UMAD1: variants seen among roughly 807,000 people sequenced by gnomAD.
UMAD1 encodes the protein UBAP1-MVB12-associated (UMA) domain containing 1.
A neutral mutation model predicts 6.1 loss-of-function variants in UMAD1; 8 were observed. The ratio of observed to expected loss-of-function variants is 1.30; its 90% confidence interval spans 0.76 to 2.35. The LOEUF is 2.35. Ranked by LOEUF, UMAD1 falls within the 30% of genes most tolerant of loss-of-function variation. The pLI, the probability that UMAD1 is intolerant of heterozygous loss-of-function variation, is 0.00. For missense variants in UMAD1, 130 were observed against 78.4 expected (o/e 1.66, Z -2.49); for synonymous variants, 56 against 31.4 (o/e 1.78, Z -2.61).
chr7:7,827,145 A>ATGTGTGTGTG (rs1162912790), intron 3 of UMAD1, among the ~76,000 whole-genome samples: 4 of 135,350 alleles, frequency 3.0e-5, no homozygotes, highest in African/African-American at 1.1e-4. Context: ...ATATATATAT[A>ATGTGTGTGTG]TATGTGTGTG....
intron 3 of UMAD1, among the ~76,000 whole-genome samples, chr7:7,818,343 A>C (rs1447383545): frequency 6.6e-6 from 1 of 152,194 alleles, no homozygotes; most frequent in Non-Finnish European, 1.5e-5. Flanking sequence ...ATAGTATTCC[A>C]TGGTTTATGT....
intron 3 of UMAD1, among the ~76,000 whole-genome samples, chr7:7,804,127 A>G (rs1782858028): frequency 6.6e-6 from 1 of 152,200 alleles, no homozygotes; most frequent in Admixed American, 6.5e-5. Flanking sequence ...AGATGTTTCA[A>G]AAGTGCCTTC....
At chr7:7,798,841 C>T (rs549810420) in intron 2 of UMAD1, among the ~76,000 whole-genome samples, 1 of 152,176 alleles carries the variant, frequency 6.6e-6, no homozygotes, top group Non-Finnish European at 1.5e-5. Flanking sequence ...GTTTCACTCT[C>T]CTGTAAATTG....
At chr7:7,771,744 T>A (rs1227661420) in intron 2 of UMAD1, among the ~76,000 whole-genome samples, 1 of 152,148 alleles carries the variant, frequency 6.6e-6, no homozygotes, top group Non-Finnish European at 1.5e-5. Flanking sequence ...AGGGCATGGT[T>A]TGGCCTCACA....
At chr7:7,646,382 A>G (rs1401938061) in intron 1 of UMAD1, among the ~76,000 whole-genome samples, 1 of 151,958 alleles carries the variant, frequency 6.6e-6, no homozygotes, top group Admixed American at 6.6e-5. Context: ...ATGAGAGATA[A>G]CTGAATCATG....
At chr7:7,702,469 T>A (rs1353177923) in intron 2 of UMAD1, among the ~76,000 whole-genome samples, 1 of 152,198 alleles carries the variant, frequency 6.6e-6, no homozygotes, top group East Asian at 1.9e-4. Context: ...AACCTGGCTT[T>A]CAAGTACACT....
At chr7:7,748,254 A>G (rs1342014584) in intron 2 of UMAD1, among the ~76,000 whole-genome samples, 1 of 151,888 alleles carries the variant, frequency 6.6e-6, no homozygotes, top group Non-Finnish European at 1.5e-5. Flanking sequence ...TATATGTTTT[A>G]TTTTATAAAG....
At chr7:7,805,986 C>G (rs181321056) in intron 3 of UMAD1, among the ~76,000 whole-genome samples, 28 of 152,322 alleles carry the variant, frequency 1.8e-4, no homozygotes, top group African/African-American at 6.5e-4. Context: ...AGAAGTTACC[C>G]AATAAGTACT....
At chr7:7,797,573 C>G (rs1782711220) in intron 2 of UMAD1, among the ~76,000 whole-genome samples, 1 of 152,184 alleles carries the variant, frequency 6.6e-6, no homozygotes, top group Non-Finnish European at 1.5e-5. Flanking sequence ...ATACATAGTG[C>G]TCACTCTTCA....
intron 3 of UMAD1, among the ~76,000 whole-genome samples, chr7:7,802,303 C>G (rs1028268875): frequency 3.3e-5 from 5 of 151,930 alleles, no homozygotes; most frequent in African/African-American, 9.7e-5. Context: ...GCTTGAACCC[C>G]GGAGGTGGAG....
Position 7,800,103 on chromosome 7 carries a change from G to A in UMAD1, c.83-1567G>A, listed in dbSNP as rs191176312. On this transcript the variant is annotated intron_variant, in intron 2 of 3. Coordinates refer to ENST00000682710, the MANE Select transcript of UMAD1 (RefSeq NM_001302348.2). Reference sequence around the variant, plus strand: ...TCACCATGTTGGTCTGGCTGGTCTCGATCTCCTGACCTCAAGTGATCCACC... The same window carrying A: ...TCACCATGTTGGTCTGGCTGGTCTCAATCTCCTGACCTCAAGTGATCCACC... 2.9e-3 allele frequency among the ~76,000 whole-genome samples: 435 copies of A among 152,274 alleles called. 4 individuals carry two copies. The highest frequency in any genetic ancestry group is 1.0e-2 in the African/African-American group (415 of 41,552).
At chr7:7,667,688 G>A (rs970996642) in intron 1 of UMAD1, among the ~76,000 whole-genome samples, 3 of 152,178 alleles carry the variant, frequency 2.0e-5, no homozygotes, top group Admixed American at 2.0e-4. Context: ...CAAGGCTTGG[G>A]AAAGTAGGGA....
intron 2 of UMAD1, among the ~76,000 whole-genome samples, chr7:7,792,352 C>T (rs1281415034): frequency 6.6e-6 from 1 of 152,186 alleles, no homozygotes; most frequent in East Asian, 1.9e-4. Flanking sequence ...ATGTCTTAAC[C>T]AATTAGTACT....
intron 3 of UMAD1, among the ~76,000 whole-genome samples, chr7:7,862,885 C>T (rs574208701): frequency 2.6e-5 from 4 of 152,064 alleles, no homozygotes; most frequent in African/African-American, 7.2e-5. Flanking sequence ...GGAAATTTAC[C>T]GGAAGGCTTT....
intron 2 of UMAD1, among the ~76,000 whole-genome samples, chr7:7,716,621 G>A (rs1780910489): frequency 6.6e-6 from 1 of 152,210 alleles, no homozygotes; most frequent in African/African-American, 2.4e-5. Flanking sequence ...TGGCCAGGTA[G>A]CAAACCCATC....
intron 3 of UMAD1, among the ~76,000 whole-genome samples, chr7:7,875,340 A>G (rs1760262590): frequency 1.3e-5 from 2 of 152,246 alleles, no homozygotes; most frequent in Non-Finnish European, 2.9e-5. Flanking sequence ...AACTAAGATC[A>G]GAGCAGAAGC....
chr7:7,793,054 A>G (rs911273515), intron 2 of UMAD1, among the ~76,000 whole-genome samples: 3 of 152,184 alleles, frequency 2.0e-5, no homozygotes, highest in African/African-American at 7.2e-5. Flanking sequence ...ACACACTTTC[A>G]GTCCATAGAT....
In UMAD1 at chr7:7,786,846, G is replaced by A. The variant is rs116713758; in HGVS notation, c.83-14824G>A. ...GAAGGTTTGCCTCACTTTAAGTCCG[G>A]ATGTGGTTAAAGCATGGGAGTGGGA... On this transcript the variant is annotated intron_variant, in intron 2 of 3. Transcript: ENST00000682710. Among the ~76,000 whole-genome samples the A allele has an allele frequency of 1.9e-3, 282 of 152,298 alleles. 1 individual carries two copies. The highest frequency in any genetic ancestry group is 6.5e-3 in the African/African-American group (269 of 41,562).
At chr7:7,650,187 T>C (rs902969013) in intron 1 of UMAD1, among the ~76,000 whole-genome samples, 4 of 152,262 alleles carry the variant, frequency 2.6e-5, no homozygotes, top group African/African-American at 9.6e-5. Flanking sequence ...TTTTGATTTC[T>C]TGTAATCCCA....
Sources: gnomAD v4.1 joint callset for allele counts (sites outside exome capture counted in the v4.1 genomes callset) on GRCh38, gnomAD v4.1.1 for gene constraint, MANE v1.5 for transcripts, NCBI Gene and HGNC (gene_info 2026-07-23, HGNC 2026-07-21) for gene names.